The following CAMTA1 variants were observed in gnomAD, a reference collection of about 807,000 sequenced individuals.
CAMTA1 encodes the protein calmodulin-binding transcription activator 1.
A neutral mutation model predicts 170.9 loss-of-function variants in CAMTA1; 27 were observed. That is an observed-to-expected ratio of 0.16 (90% CI 0.12 to 0.22). The LOEUF (loss-of-function observed/expected upper bound fraction) is 0.22, where lower values mean the gene tolerates loss of function less well. Among genes scored for constraint, CAMTA1 ranks in the 10% least tolerant of loss-of-function variants. The pLI, the probability that CAMTA1 is intolerant of heterozygous loss-of-function variation, is 1.00. For missense variants in CAMTA1, 1,619 were observed against 2,217.2 expected, an observed-to-expected ratio of 0.73 and a Z score of 5.42; for synonymous variants, 833 against 891.5, an observed-to-expected ratio of 0.93 and a Z score of 1.17.
intron 3 of CAMTA1, among the ~76,000 whole-genome samples, chr1:7,040,723 CTTTTT>C (rs1277626911): frequency 7.8e-4 from 110 of 141,684 alleles, no homozygotes; most frequent in Non-Finnish European, 1.4e-3. Context: ...GGATCTCCCT[CTTTTT>C]TTTTTTTTTT....
chr1:6,799,580 C>T (rs1557573164), intron 1 of CAMTA1, among the ~76,000 whole-genome samples: 1 of 152,108 alleles, frequency 6.6e-6, no homozygotes, highest in Admixed American at 6.6e-5. Context: ...TTTCTCAGAC[C>T]TCAGCTCTTA....
Position 7,188,642 on chromosome 1 carries a change from A to G in CAMTA1, c.303-60849A>G, listed in dbSNP as rs545795310. ...TCATCCATGTTGTAGCAGGTATGAA[A>G]CTATCCTTCCTTTTTAAGGCTAAAT... On this transcript the variant is annotated intron_variant, in intron 4 of 22. Transcript: ENST00000303635. Among the ~76,000 whole-genome samples, 37 of 152,290 alleles carry G rather than the reference A, an allele frequency of 2.4e-4. 2 individuals carry two copies. In the South Asian group the frequency reaches 7.0e-3, roughly 29 times the overall value.
At chr1:7,223,775 T>A (rs1050114146) in intron 4 of CAMTA1, among the ~76,000 whole-genome samples, 2 of 152,242 alleles carry the variant, frequency 1.3e-5, no homozygotes, top group Non-Finnish European at 2.9e-5. Context: ...TGACTCACCA[T>A]GAATAAGGAG....
chr1:7,193,195 T>TA (rs968749070), intron 4 of CAMTA1, among the ~76,000 whole-genome samples: 15 of 151,052 alleles, frequency 9.9e-5, no homozygotes, highest in African/African-American at 3.4e-4. Flanking sequence ...AACTGAAAAA[T>TA]AAAAAAATTA....
At chr1:7,612,604 A>C (rs1433050981) in intron 6 of CAMTA1, among the ~76,000 whole-genome samples, 1 of 152,186 alleles carries the variant, frequency 6.6e-6, no homozygotes, top group Non-Finnish European at 1.5e-5. Flanking sequence ...TCTTCTACCC[A>C]GTATTTCCTT....
intron 4 of CAMTA1, among the ~76,000 whole-genome samples, chr1:7,152,348 A>G (rs1646624731): frequency 6.6e-6 from 1 of 152,120 alleles, no homozygotes; most frequent in Non-Finnish European, 1.5e-5. Context: ...CCCCTTCCAT[A>G]TAAGTCTCTC....
chr1:6,943,546 T>C (rs574193462), intron 3 of CAMTA1, among the ~76,000 whole-genome samples: 2 of 152,148 alleles, frequency 1.3e-5, no homozygotes, highest in Non-Finnish European at 2.9e-5. Flanking sequence ...TATTTTAAAT[T>C]GTGTTAAATA....
chr1:6,873,218 A>G (rs554683395), intron 3 of CAMTA1, among the ~76,000 whole-genome samples: 68 of 152,190 alleles, frequency 4.5e-4, no homozygotes, highest in African/African-American at 1.6e-3. Context: ...AGTAGTCAGG[A>G]GCAACTTTTT....
At chr1:7,705,955 G>A (rs557203081) in intron 11 of CAMTA1, among the ~76,000 whole-genome samples, 3 of 152,286 alleles carry the variant, frequency 2.0e-5, no homozygotes, top group Non-Finnish European at 4.4e-5. Context: ...CTGGTGATTG[G>A]GTTTCTAGGT....
chr1:6,895,285 CCTGTCCTTGATT>C (rs1332277808), intron 3 of CAMTA1, among the ~76,000 whole-genome samples: 2 of 152,188 alleles, frequency 1.3e-5, no homozygotes, highest in African/African-American at 4.8e-5. Context: ...GAATCTCAGG[CCTGTCCTTGATT>C]CTGCCCTTTT....
At chr1:7,616,925 A>G (rs2095562761) in intron 6 of CAMTA1, among the ~76,000 whole-genome samples, 1 of 152,238 alleles carries the variant, frequency 6.6e-6, no homozygotes, top group Non-Finnish European at 1.5e-5. Context: ...CTATAAAATA[A>G]GGCTGTTTAT....
chr1:7,207,765 C>T (rs1658023549), intron 4 of CAMTA1, among the ~76,000 whole-genome samples: 1 of 152,124 alleles, frequency 6.6e-6, no homozygotes, highest in African/African-American at 2.4e-5. Context: ...CTTGTGGATC[C>T]AAGACCTGCC....
Position 7,456,110 on chromosome 1 carries a change from G to C in CAMTA1, c.439-11720G>C, listed in dbSNP as rs1300983714. Among the ~76,000 whole-genome samples, 2 of 152,084 alleles carry C rather than the reference G, an allele frequency of 1.3e-5. No homozygotes were observed. Among genetic ancestry groups the C allele is most frequent in the African/African-American group, 4.8e-5 (2 of 41,410 alleles). ...TCAGAGATCCCTTGTGCTTAATGCAGGCAGACCTGGTGAAGGGTGAGGGGG... is the reference window on the plus strand; with the variant it reads ...TCAGAGATCCCTTGTGCTTAATGCACGCAGACCTGGTGAAGGGTGAGGGGG... On this transcript the variant is annotated intron_variant, in intron 5 of 22. Transcript: ENST00000303635. This position sits in a 1 kb window ranked among gnomAD's most constrained non-coding sequence, Gnocchi z 4.9.
chr1:6,996,717 A>AAAG (rs1557945426), intron 3 of CAMTA1, among the ~76,000 whole-genome samples: 2 of 151,760 alleles, frequency 1.3e-5, no homozygotes, highest in Non-Finnish European at 2.9e-5. Context: ...AAGAAAGAAA[A>AAAG]AAAGTCACAA....
intron 4 of CAMTA1, among the ~76,000 whole-genome samples, chr1:7,161,637 T>C (rs1647231338): frequency 1.3e-5 from 2 of 152,232 alleles, no homozygotes; most frequent in Admixed American, 6.5e-5. Context: ...CTTCCTTGCC[T>C]TTCACCTTCT....
At chr1:7,273,826 A>G (rs1012699411) in intron 5 of CAMTA1, among the ~76,000 whole-genome samples, 6 of 152,228 alleles carry the variant, frequency 3.9e-5, no homozygotes, top group Admixed American at 1.3e-4. Context: ...TGTGACAACA[A>G]TGATACAAAG....
intron 4 of CAMTA1, among the ~76,000 whole-genome samples, chr1:7,209,448 G>A (rs1172551194): frequency 6.6e-6 from 1 of 152,202 alleles, no homozygotes; most frequent in Non-Finnish European, 1.5e-5. Context: ...GTGAGTAAAA[G>A]GAGTCTCACC....
Position 7,253,892 on chromosome 1 carries a change from T to C in CAMTA1, c.438+4266T>C, listed in dbSNP as rs148058520. Among the ~76,000 whole-genome samples, 1,373 of 152,224 alleles carry C rather than the reference T, an allele frequency of 9.0e-3. 53 individuals carry two copies. The highest frequency in any genetic ancestry group is 4.2e-3 in the Non-Finnish European group (287 of 68,018). On this transcript the variant is annotated intron_variant, in intron 5 of 22. Coordinates refer to ENST00000303635, the MANE Select transcript of CAMTA1 (RefSeq NM_015215.4). ...TTGGAGGCTTTCTATCCACCTAGTA[T>C]GGCAATAGGTGCTGGGATGCAGTGA...
At chr1:7,675,192 G>A (rs2096104443) in intron 10 of CAMTA1, among the ~76,000 whole-genome samples, 2 of 152,278 alleles carry the variant, frequency 1.3e-5, no homozygotes, top group South Asian at 4.1e-4. Flanking sequence ...AAAGGCCCTG[G>A]GGCAGAAAGA....
Sources: allele counts gnomAD v4.1 joint callset (sites outside exome capture counted in the v4.1 genomes callset), GRCh38; gene constraint gnomAD v4.1.1; non-coding constraint Gnocchi (gnomAD v3.1); transcripts MANE v1.5; gene names NCBI Gene and HGNC (gene_info 2026-07-23, HGNC 2026-07-21).